TNFRSF10B: variants seen among roughly 807,000 people sequenced by gnomAD.
TNFRSF10B encodes tumor necrosis factor receptor superfamily member 10B.
In TNFRSF10B, 35 loss-of-function variants were observed where a neutral mutation model predicts 41.4. The ratio of observed to expected loss-of-function variants is 0.85; its 90% CI spans 0.65 to 1.12. TNFRSF10B has a LOEUF of 1.12. TNFRSF10B is among the 50% of genes most tolerant of loss of function. TNFRSF10B has a pLI of 0.00. For missense variants in TNFRSF10B, 584 were observed against 552.7 expected, an observed-to-expected ratio of 1.06 and a Z score of -0.57; for synonymous variants, 230 against 215.5, an observed-to-expected ratio of 1.07 and a Z score of -0.59.
chr8:23,025,059 C>T (rs1039829954), intron 7 of TNFRSF10B, among the ~76,000 whole-genome samples: 25 of 152,262 alleles, frequency 1.6e-4, no homozygotes, highest in African/African-American at 6.0e-4. Context: ...CCGGTAAGTC[C>T]GAGCTTACTT....
chr8:23,035,441 C>T (rs1358943123), intron 2 of TNFRSF10B, among the ~76,000 whole-genome samples: 5 of 152,146 alleles, frequency 3.3e-5, no homozygotes, highest in African/African-American at 1.2e-4. Flanking sequence ...CACATCTGGC[C>T]TGCAGGGATA....
At chr8:23,051,217 CAG>C (rs1221896900) in intron 1 of TNFRSF10B, among the ~76,000 whole-genome samples, 4 of 151,930 alleles carry the variant, frequency 2.6e-5, no homozygotes, top group Non-Finnish European at 2.9e-5. Context: ...ACTTGAATAA[CAG>C]AAAAAAGGAA....
chr8:23,051,419 C>T (rs1470760470), intron 1 of TNFRSF10B, among the ~76,000 whole-genome samples: 1 of 152,094 alleles, frequency 6.6e-6, no homozygotes, highest in Non-Finnish European at 1.5e-5. Flanking sequence ...CAAAATCTGG[C>T]ATAGAGGCTA....
intron 1 of TNFRSF10B, among the ~76,000 whole-genome samples, chr8:23,056,636 G>A (rs1298340321): frequency 4.8e-5 from 7 of 144,370 alleles, no homozygotes; most frequent in Non-Finnish European, 9.0e-5. Context: ...GGGCAACAGA[G>A]CAAGACTCCA....
chr8:23,029,476 A>C, intron 4 of TNFRSF10B, 134 bp downstream of exon 4: 3 of 818,568 alleles, frequency 3.7e-6, no homozygotes, highest in Non-Finnish European at 6.1e-6. Context: ...TGACACGCAG[A>C]GGGACCAGGA....
At chr8:23,042,930 G>A in intron 2 of TNFRSF10B, 2 of 554,478 alleles carry the variant, frequency 3.6e-6, no homozygotes, top group Non-Finnish European at 6.5e-6. Context: ...CTCTCTCAAG[G>A]TTCCTATCAG....
intron 5 of TNFRSF10B, 26 bp from the exon 6 acceptor site, chr8:23,027,779 A>T: frequency 2.5e-6 from 4 of 1,613,966 alleles, no homozygotes; most frequent in Non-Finnish European, 2.5e-6. Flanking sequence ...TCTCCTTAGC[A>T]GGAAGGGAGG....
chr8:23,050,086 G>C (rs1288897143), intron 1 of TNFRSF10B, among the ~76,000 whole-genome samples: 2 of 152,234 alleles, frequency 1.3e-5, no homozygotes, highest in East Asian at 1.9e-4. Flanking sequence ...CGTGCTCAAA[G>C]GGTGAGTCAA....
At chr8:23,025,715 A>G (rs1264769029) in intron 7 of TNFRSF10B, among the ~76,000 whole-genome samples, 1 of 152,174 alleles carries the variant, frequency 6.6e-6, no homozygotes, top group Non-Finnish European at 1.5e-5. Flanking sequence ...AAGAGTAAAG[A>G]AGGCTCTTGG....
At chr8:23,029,876 G>A (rs1261218519) in intron 3 of TNFRSF10B, among the ~76,000 whole-genome samples, 155 bp from the exon 4 acceptor site, 1 of 152,172 alleles carries the variant, frequency 6.6e-6, no homozygotes, top group Non-Finnish European at 1.5e-5. Flanking sequence ...GCTCATTCAG[G>A]ATACCCACCC....
At chr8:23,043,616 TC>T (rs768068766) in intron 1 of TNFRSF10B, among the ~76,000 whole-genome samples, 36 of 152,166 alleles carry the variant, frequency 2.4e-4, no homozygotes, top group Non-Finnish European at 4.9e-4. Context: ...TTTCTCTTAT[TC>T]TCTCTCACAC....
chr8:23,046,668 A>G (rs1457755107), intron 1 of TNFRSF10B, among the ~76,000 whole-genome samples: 2 of 152,032 alleles, frequency 1.3e-5, no homozygotes, highest in East Asian at 3.8e-4. Context: ...ATCAAAAAGT[A>G]CAATGCTGGA....
chr8:23,023,791 C>T (rs753510350), intron 8 of TNFRSF10B, among the ~76,000 whole-genome samples: 3 of 152,092 alleles, frequency 2.0e-5, no homozygotes, highest in East Asian at 3.8e-4. Context: ...CTTTGGCATT[C>T]GTATGTAGTT....
At chr8:23,065,846 G>GA (rs904835724) in intron 1 of TNFRSF10B, among the ~76,000 whole-genome samples, 7 of 151,636 alleles carry the variant, frequency 4.6e-5, no homozygotes, top group East Asian at 1.9e-4. Context: ...CTATGGGCAG[G>GA]AAAAAAAATG....
In TNFRSF10B at chr8:23,040,367, A is replaced by AAATATATACAAAATATATATTTAT. The variant is rs1563314065; in HGVS notation, c.250+2770_250+2771insATAAATATATATTTTGTATATATT. Among the ~76,000 whole-genome samples, 2 of 23,586 alleles carry AAATATATACAAAATATATATTTAT rather than the reference A, an allele frequency of 8.5e-5. 1 individual carries two copies. Among genetic ancestry groups the AAATATATACAAAATATATATTTAT allele is most frequent in the Non-Finnish European group, 1.7e-4 (2 of 11,636 alleles). The allele number at this position is 23,586 out of a possible 152,430, so 15.5% of individuals were successfully genotyped here. On this transcript the variant is annotated intron_variant, in intron 2 of 8. Transcript: ENST00000276431. ...TAAATATATACAAAATATATATTTA[A>AAATATATACAAAATATATATTTAT]TAAATATATATACAAAATATATATT...
chr8:23,037,599 G>A (rs1428848902), intron 2 of TNFRSF10B, among the ~76,000 whole-genome samples: 2 of 152,218 alleles, frequency 1.3e-5, no homozygotes, highest in South Asian at 2.1e-4. Context: ...CTCACTTGAT[G>A]GCAAATGAAG....
intron 1 of TNFRSF10B, among the ~76,000 whole-genome samples, chr8:23,045,560 G>C (rs191166291): frequency 2.0e-5 from 3 of 152,236 alleles, no homozygotes; most frequent in East Asian, 1.9e-4. Flanking sequence ...AAATTACAGA[G>C]GAGGGACTAC....
At chr8:23,066,977 TTCTTTC>T (rs908323178) in intron 1 of TNFRSF10B, among the ~76,000 whole-genome samples, 4 of 151,790 alleles carry the variant, frequency 2.6e-5, no homozygotes, top group African/African-American at 9.7e-5. Context: ...TGTTGTGGCT[TTCTTTC>T]TTTCTTTTTT....
intron 6 of TNFRSF10B, 51 bp from the exon 7 acceptor site, chr8:23,027,339 A>C: frequency 6.2e-7 from 1 of 1,610,632 alleles, no homozygotes; most frequent in Non-Finnish European, 8.5e-7. Flanking sequence ...GTCCACACCT[A>C]GGGCTCGCTG....
Sources: gnomAD v4.1 joint callset for allele counts (sites outside exome capture counted in the v4.1 genomes callset) on GRCh38, gnomAD v4.1.1 for gene constraint, MANE v1.5 for transcripts, NCBI Gene and HGNC (gene_info 2026-07-23, HGNC 2026-07-21) for gene names.